The following PSD3 variants were observed in gnomAD, a reference collection of about 807,000 sequenced individuals.
The protein encoded by PSD3 is PH and SEC7 domain-containing protein 3.
PSD3 carries 49 observed loss-of-function variants against 105.5 expected under a neutral mutation model. The observed-to-expected ratio is 0.46, with a 90% CI of 0.37 to 0.59. The LOEUF (loss-of-function observed/expected upper bound fraction) is 0.59. PSD3 is among the 20% of genes least tolerant of loss of function. The pLI is 0.00. For missense variants in PSD3, 1,561 were observed against 1,263.8 expected, an observed-to-expected ratio of 1.24 and a Z score of -3.57; for synonymous variants, 557 against 457.8, an observed-to-expected ratio of 1.22 and a Z score of -2.77.
intron 9 of PSD3, among the ~76,000 whole-genome samples, chr8:18,698,489 A>G (rs1801389167): frequency 6.6e-6 from 1 of 152,086 alleles, no homozygotes; most frequent in South Asian, 2.1e-4. Flanking sequence ...GCAGAAGGGA[A>G]GAAGAGGTTT....
At chr8:19,035,757 T>TGG (rs200303408) in intron 1 of PSD3, among the ~76,000 whole-genome samples, 2 of 149,314 alleles carry the variant, frequency 1.3e-5, no homozygotes, top group African/African-American at 4.9e-5. Context: ...ATACTTTTTT[T>TGG]GGGGGGGGTG....
At chr8:18,836,427 A>C (rs1026690402) in intron 4 of PSD3, among the ~76,000 whole-genome samples, 1 of 152,236 alleles carries the variant, frequency 6.6e-6, no homozygotes, top group East Asian at 1.9e-4. Flanking sequence ...TTATCTGTGC[A>C]CATGCAAACT....
chr8:18,532,010 A>C lies in PSD3; in HGVS notation c.*3733T>G, dbSNP rs1267763418. On this transcript the variant is annotated 3_prime_UTR_variant, in exon 16 of 16. Transcript: ENST00000327040. ...TGATGACTGCAAGGAAAAATGCCAA[A>C]GGAACTCAATTTCAAGGACAATTAA... The C allele has an allele frequency of 1.3e-5, 2 of 152,238 alleles. No homozygotes were observed. Among genetic ancestry groups the C allele is most frequent in the East Asian group, 1.9e-4 (1 of 5,192 alleles). The allele number at this position is 152,238 out of a possible 1,614,324, so 9.4% of individuals were successfully genotyped here.
chr8:18,600,350 T>C lies in PSD3; in HGVS notation c.2481+14A>G, dbSNP rs1175075020. On this transcript the variant is annotated intron_variant, in intron 12 of 15. Transcript: ENST00000327040. ...CATCGAGTTTTGTGGATTTTTTATC[T>C]GCTTTACTTTTACCTTTTGCAAGTA... 2 of 1,603,460 alleles carry C rather than the reference T, an allele frequency of 1.2e-6. No individual in the cohort carries two copies. The highest frequency in any genetic ancestry group is 2.2e-5 in the East Asian group (1 of 44,768).
Position 18,586,769 on chromosome 8 carries a change from C to T in PSD3, c.2482-11484G>A, listed in dbSNP as rs548242499. ...CCCTCATTTATCCCCAAGGCCGAGA[C>T]GTTGGCAGCCGCAAGGGGGAAAATG... is the stretch of plus-strand genomic sequence containing the variant. On this transcript the variant is annotated intron_variant, in intron 12 of 15. Transcript: ENST00000327040. Among the ~76,000 whole-genome samples, 26 of 152,214 alleles carry T rather than the reference C, an allele frequency of 1.7e-4. 1 individual carries two copies. The Middle Eastern group carries it at 0.014, about 80-fold the overall frequency.
At chr8:18,562,406 C>G (rs1801448665) in intron 14 of PSD3, among the ~76,000 whole-genome samples, 1 of 152,226 alleles carries the variant, frequency 6.6e-6, no homozygotes, top group South Asian at 2.1e-4. Context: ...CACCTTGGAA[C>G]AGCCTTCTGA....
intron 11 of PSD3, among the ~76,000 whole-genome samples, chr8:18,629,255 A>G (rs1376864127): frequency 6.6e-6 from 1 of 152,036 alleles, no homozygotes; most frequent in Non-Finnish European, 1.5e-5. Context: ...ATATATAGGT[A>G]TAAGGGATGC....
chr8:18,721,322 C>G (rs962162584), intron 9 of PSD3: 1 of 150,316 alleles, frequency 6.7e-6, no homozygotes, highest in African/African-American at 2.4e-5. Context: ...CCCAGGGGTG[C>G]TATGTAAGAC....
chr8:18,795,390 T>C (rs1810084726), intron 8 of PSD3, among the ~76,000 whole-genome samples: 1 of 152,206 alleles, frequency 6.6e-6, no homozygotes, highest in Non-Finnish European at 1.5e-5. Context: ...GTGGGCTGGC[T>C]TCTGCCAATA....
intron 2 of PSD3, among the ~76,000 whole-genome samples, chr8:18,898,699 A>C (rs559028662): frequency 6.6e-6 from 1 of 152,342 alleles, no homozygotes; most frequent in Admixed American, 6.5e-5. Context: ...ACTAGAGAAA[A>C]GAAAATGTTA....
intron 9 of PSD3, among the ~76,000 whole-genome samples, chr8:18,725,295 G>A (rs1803270559): frequency 6.6e-6 from 1 of 151,984 alleles, no homozygotes; most frequent in Admixed American, 6.6e-5. Context: ...TTTGGAAGAG[G>A]GGCTACAAAC....
intron 9 of PSD3, among the ~76,000 whole-genome samples, chr8:18,669,569 T>A (rs773891636): frequency 6.6e-6 from 1 of 152,170 alleles, no homozygotes; most frequent in Non-Finnish European, 1.5e-5. Context: ...GCAGGGAGCA[T>A]CCACAGTGGG....
intron 9 of PSD3, among the ~76,000 whole-genome samples, chr8:18,684,671 A>C (rs1348089300): frequency 6.6e-6 from 1 of 152,166 alleles, no homozygotes; most frequent in Non-Finnish European, 1.5e-5. Flanking sequence ...TTTCAAGAGG[A>C]ATTATGTCAG....
At chr8:18,948,019 G>T (rs1405249069) in intron 1 of PSD3, among the ~76,000 whole-genome samples, 1 of 152,150 alleles carries the variant, frequency 6.6e-6, no homozygotes. Flanking sequence ...ATTAACAACC[G>T]ACTATTATGA....
intron 10 of PSD3, among the ~76,000 whole-genome samples, chr8:18,649,582 G>C (rs1164975341): frequency 2.6e-5 from 4 of 152,160 alleles, no homozygotes; most frequent in African/African-American, 9.7e-5. Flanking sequence ...TTAAGACTTT[G>C]AGGGACTGTT....
At chr8:18,912,559 G>T (rs1201020391) in intron 2 of PSD3, among the ~76,000 whole-genome samples, 1 of 152,034 alleles carries the variant, frequency 6.6e-6, no homozygotes, top group African/African-American at 2.4e-5. Context: ...CTAAAAGATG[G>T]TCCACTTCTC....
At chr8:18,837,542 G>C (rs574644361) in intron 4 of PSD3, among the ~76,000 whole-genome samples, 3 of 152,264 alleles carry the variant, frequency 2.0e-5, no homozygotes, top group East Asian at 1.9e-4. Context: ...AGGTAACTGG[G>C]ATTAAGTGGA....
chr8:18,909,560 A>C (rs1401598477), intron 2 of PSD3, among the ~76,000 whole-genome samples: 1 of 151,962 alleles, frequency 6.6e-6, no homozygotes, highest in Non-Finnish European at 1.5e-5. Context: ...GCTCACTGCA[A>C]CCTCCACCTC....
chr8:18,560,396 G>A (rs182799410), intron 14 of PSD3, among the ~76,000 whole-genome samples: 6 of 152,196 alleles, frequency 3.9e-5, no homozygotes, highest in Non-Finnish European at 7.4e-5. Context: ...TGCTTTTACA[G>A]TTCTTTAGGG....
Sources: gnomAD v4.1 joint callset for allele counts (sites outside exome capture counted in the v4.1 genomes callset) on GRCh38, gnomAD v4.1.1 for gene constraint, MANE v1.5 for transcripts, NCBI Gene and HGNC (gene_info 2026-07-23, HGNC 2026-07-21) for gene names.